The following DLG2 variants were observed in gnomAD, a reference collection of about 807,000 sequenced individuals.
DLG2 encodes disks large homolog 2.
In DLG2, 45 loss-of-function variants were observed where a neutral mutation model predicts 132.5. The observed-to-expected ratio is 0.34, with a 90% CI of 0.27 to 0.44. DLG2 has a LOEUF of 0.44. Ranked by LOEUF, DLG2 falls within the 20% of genes least tolerant of loss-of-function variation. The pLI is 1.00. For synonymous variants in DLG2, 424 were observed against 419.6 expected, an observed-to-expected ratio of 1.01 and a Z score of -0.13; for missense variants, 1,045 against 1,196.9, an observed-to-expected ratio of 0.87 and a Z score of 1.87.
chr11:85,258,238 C>T (rs933149676), intron 4 of DLG2, among the ~76,000 whole-genome samples: 1 of 152,084 alleles, frequency 6.6e-6, no homozygotes, highest in African/African-American at 2.4e-5. Context: ...TTTTGACTGG[C>T]TTATTCAATA....
At chr11:85,278,230 C>T (rs567876602) in intron 4 of DLG2, among the ~76,000 whole-genome samples, 31 of 152,312 alleles carry the variant, frequency 2.0e-4, no homozygotes, top group African/African-American at 7.5e-4. Flanking sequence ...TTCTCTGAGG[C>T]TTACTTTCCT....
chr11:84,611,889 A>G (rs930314170), intron 6 of DLG2, among the ~76,000 whole-genome samples: 1 of 152,156 alleles, frequency 6.6e-6, no homozygotes, highest in Non-Finnish European at 1.5e-5. Flanking sequence ...ATAATGATGC[A>G]ATGGAACCAT....
chr11:85,618,845 T>G (rs1373721324), intron 2 of DLG2, among the ~76,000 whole-genome samples: 1 of 152,094 alleles, frequency 6.6e-6, no homozygotes, highest in African/African-American at 2.4e-5. Flanking sequence ...TAAACAATAA[T>G]AGGCCTAAGG....
At chr11:84,221,396 G>A (rs1451637087) in intron 8 of DLG2, among the ~76,000 whole-genome samples, 2 of 151,990 alleles carry the variant, frequency 1.3e-5, no homozygotes, top group African/African-American at 2.4e-5. Flanking sequence ...CCTAGGAGGT[G>A]GAGGCTGTGG....
intron 6 of DLG2, among the ~76,000 whole-genome samples, chr11:84,665,986 C>T (rs902397541): frequency 6.6e-6 from 1 of 152,158 alleles, no homozygotes. Flanking sequence ...CATTACATCG[C>T]CTTCACCTGT....
intron 19 of DLG2, among the ~76,000 whole-genome samples, chr11:83,545,764 T>G (rs541551185): frequency 6.6e-6 from 1 of 152,220 alleles, no homozygotes; most frequent in African/African-American, 2.4e-5. Context: ...CGAGCTCTAT[T>G]GATCTTGGAC....
chr11:83,520,897 A>G (rs1592384402), intron 21 of DLG2, among the ~76,000 whole-genome samples: 1 of 152,218 alleles, frequency 6.6e-6, no homozygotes, highest in Non-Finnish European at 1.5e-5. Flanking sequence ...GTCTCAGATG[A>G]CACAGCCAGT....
intron 6 of DLG2, among the ~76,000 whole-genome samples, chr11:84,880,977 C>A (rs2087228980): frequency 1.3e-5 from 2 of 152,058 alleles, no homozygotes; most frequent in African/African-American, 4.8e-5. Flanking sequence ...ACTAACAGAT[C>A]TTTACGTTTT....
intron 4 of DLG2, among the ~76,000 whole-genome samples, chr11:85,211,386 T>G (rs1000371612): frequency 6.6e-6 from 1 of 152,126 alleles, no homozygotes; most frequent in African/African-American, 2.4e-5. Context: ...AGTTAATAAT[T>G]TAAATCCTAT....
chr11:84,584,401 T>C (rs1299387960), intron 6 of DLG2, among the ~76,000 whole-genome samples: 1 of 152,012 alleles, frequency 6.6e-6, no homozygotes, highest in African/African-American at 2.4e-5. Flanking sequence ...CTGCAAGAGT[T>C]CTTCATATAT....
chr11:84,513,941 T>C (rs2099264685), intron 7 of DLG2, among the ~76,000 whole-genome samples: 1 of 152,070 alleles, frequency 6.6e-6, no homozygotes, highest in African/African-American at 2.4e-5. Context: ...CAGTTACCTG[T>C]CTGACAAGGG....
At chr11:84,301,551 C>T (rs1048357220) in intron 7 of DLG2, among the ~76,000 whole-genome samples, 19 of 145,044 alleles carry the variant, frequency 1.3e-4, no homozygotes, top group South Asian at 2.3e-4. Context: ...CCCAGCTACT[C>T]GGGAGGCTGA....
chr11:83,868,103 G>C (rs767014272), intron 16 of DLG2, among the ~76,000 whole-genome samples: 2 of 152,154 alleles, frequency 1.3e-5, no homozygotes, highest in Non-Finnish European at 2.9e-5. Context: ...GACAGCGATG[G>C]TCAGAGGAAT....
chr11:84,068,900 A>G (rs2096716642), intron 10 of DLG2, among the ~76,000 whole-genome samples: 1 of 152,202 alleles, frequency 6.6e-6, no homozygotes, highest in South Asian at 2.1e-4. Context: ...AATGATGTCT[A>G]GGAAATCTCA....
intron 7 of DLG2, among the ~76,000 whole-genome samples, chr11:84,285,927 T>C (rs1259497805): frequency 6.6e-6 from 1 of 152,194 alleles, no homozygotes; most frequent in African/African-American, 2.4e-5. Flanking sequence ...TTCATTCTCA[T>C]ACAAACTCTA....
chr11:84,859,072 T>C (rs529081273), intron 6 of DLG2, among the ~76,000 whole-genome samples: 1 of 151,880 alleles, frequency 6.6e-6, no homozygotes, highest in Non-Finnish European at 1.5e-5. Flanking sequence ...TAATACAACC[T>C]ACTTCATAGG....
intron 6 of DLG2, among the ~76,000 whole-genome samples, chr11:84,833,688 G>A (rs1361888029): frequency 6.6e-6 from 1 of 151,380 alleles, no homozygotes; most frequent in Non-Finnish European, 1.5e-5. Flanking sequence ...TTACCTTAGT[G>A]GGTTGTTATG....
chr11:83,586,616 G>A (rs1235769166), intron 19 of DLG2, among the ~76,000 whole-genome samples: 1 of 152,200 alleles, frequency 6.6e-6, no homozygotes, highest in Non-Finnish European at 1.5e-5. Flanking sequence ...AGTATTTATT[G>A]AGTGCCACAT....
intron 3 of DLG2, among the ~76,000 whole-genome samples, chr11:85,552,290 C>A (rs1598460566): frequency 6.6e-6 from 1 of 151,438 alleles, no homozygotes; most frequent in Non-Finnish European, 1.5e-5. Context: ...CAGTGGAACT[C>A]CTGGAATACC....
Sources: allele counts gnomAD v4.1 joint callset (sites outside exome capture counted in the v4.1 genomes callset), GRCh38; gene constraint gnomAD v4.1.1; transcripts MANE v1.5; gene names NCBI Gene and HGNC (gene_info 2026-07-23, HGNC 2026-07-21).